VTI1B: variants seen among roughly 807,000 people sequenced by gnomAD.
VTI1B encodes the protein vesicle transport through interaction with t-SNAREs 1B.
Under a neutral mutation model 28.6 loss-of-function variants are expected in VTI1B, and 18 were observed. The observed-to-expected ratio is 0.63, with a 90% CI of 0.43 to 0.93. The LOEUF (loss-of-function observed/expected upper bound fraction) is 0.93. Among genes scored for constraint, VTI1B ranks in the 40% least tolerant of loss-of-function variants. The pLI, the probability that VTI1B is intolerant of heterozygous loss-of-function variation, is 0.00. For missense variants in VTI1B, 283 were observed against 297.0 expected (o/e 0.95, Z 0.35); for synonymous variants, 100 against 107.9 (o/e 0.93, Z 0.46).
intron 2 of VTI1B, 89 bp downstream of exon 2, chr14:67,662,388 G>T: frequency 8.8e-7 from 1 of 1,142,668 alleles, no homozygotes; most frequent in South Asian, 1.4e-5. Flanking sequence ...CAATGGACAG[G>T]AACAGTTAAT....
chr14:67,662,142 C>T (rs372811374), intron 2 of VTI1B, among the ~76,000 whole-genome samples: 5 of 150,166 alleles, frequency 3.3e-5, no homozygotes, highest in African/African-American at 7.4e-5. Context: ...GGCAACAGAG[C>T]GAGACTCTGT....
chr14:67,650,595 T>C lies in VTI1B; in HGVS notation c.*790A>G. The C allele has an allele frequency of 2.3e-6, 2 of 860,702 alleles. No homozygotes were observed. Among genetic ancestry groups the C allele is most frequent in the Admixed American group, 4.4e-5 (2 of 45,132 alleles). The allele number at this position is 860,702 out of a possible 1,614,324, so 53.3% of individuals were successfully genotyped here. On this transcript the variant is annotated 3_prime_UTR_variant, in exon 6 of 6. Coordinates refer to ENST00000554659, the MANE Select transcript of VTI1B (RefSeq NM_006370.3). ...AAGGGGCTTCCTAAAAATAGGTATT[T>C]TCTACTATAAAATGGACTCTTGTTT...
At chr14:67,659,691 T>C (rs748826886) in intron 3 of VTI1B, 40 bp downstream of exon 3, 1 of 1,558,082 alleles carries the variant, frequency 6.4e-7, no homozygotes. Flanking sequence ...CCACAGGCCC[T>C]TAAAGGAAAA....
intron 4 of VTI1B, 49 bp downstream of exon 4, chr14:67,656,367 C>T: frequency 2.0e-6 from 3 of 1,472,978 alleles, no homozygotes; most frequent in South Asian, 1.6e-5. Flanking sequence ...GGTGCAGTGG[C>T]CCCCTAATTA....
chr14:67,674,219 G>A (rs890370632), intron 1 of VTI1B, among the ~76,000 whole-genome samples, 156 bp downstream of exon 1: 2 of 152,232 alleles, frequency 1.3e-5, no homozygotes, highest in East Asian at 1.9e-4. Context: ...AGTGGCAGCA[G>A]GGAGACCTGG....
chr14:67,657,522 CA>C (rs2037273895), intron 3 of VTI1B, among the ~76,000 whole-genome samples: 1 of 152,114 alleles, frequency 6.6e-6, no homozygotes, highest in Non-Finnish European at 1.5e-5. Flanking sequence ...GTAGCCTTGT[CA>C]GGCCAGAATT....
intron 4 of VTI1B, 135 bp downstream of exon 4, chr14:67,656,281 A>G (rs1017387650): frequency 4.6e-6 from 4 of 861,070 alleles, no homozygotes; most frequent in Non-Finnish European, 6.5e-6. Context: ...AAAAATTGAG[A>G]AAAGCATAAG....
At position 67,649,090 on chromosome 14, in the gene VTI1B, T is replaced by A. The variant is rs535697302; in HGVS notation, c.*2295A>T. ...GATGTTGCCAGTGGTCCTTAGGTTATTGGCCAGAGAACTTGGGGGTTCAAT... is the reference window on the plus strand; with the variant it reads ...GATGTTGCCAGTGGTCCTTAGGTTAATGGCCAGAGAACTTGGGGGTTCAAT... On this transcript the variant is annotated 3_prime_UTR_variant, in exon 6 of 6. Coordinates refer to ENST00000554659, the MANE Select transcript of VTI1B (RefSeq NM_006370.3). 3 of 152,344 alleles carry A rather than the reference T, an allele frequency of 2.0e-5. No individual in the cohort carries two copies. The East Asian group carries it at 5.8e-4, about 29-fold the overall frequency. 9.4% of individuals were successfully genotyped at this position (152,344 alleles called of 1,614,324 possible). A position where few individuals can be genotyped will look rare whatever the true frequency, so the allele number is the denominator to read the frequency against.
At chr14:67,660,811 C>T (rs2037324919) in intron 2 of VTI1B, among the ~76,000 whole-genome samples, 1 of 152,146 alleles carries the variant, frequency 6.6e-6, no homozygotes. Flanking sequence ...AGTATCTGAG[C>T]ATCAAACAAA....
chr14:67,648,450 T>C lies in VTI1B; in HGVS notation c.*2935A>G, dbSNP rs8010798. The C allele has an allele frequency of 0.079, 22,594 of 284,758 alleles. 1,427 individuals carry two copies. The highest frequency in any genetic ancestry group is 0.23 in the East Asian group (3,524 of 15,506). The allele number at this position is 284,758 out of a possible 1,614,324, so 17.6% of individuals were successfully genotyped here. On this transcript the variant is annotated 3_prime_UTR_variant, in exon 6 of 6. Coordinates refer to ENST00000554659, the MANE Select transcript of VTI1B (RefSeq NM_006370.3). ...AACAATTAAATACAAGAATAAATTGTCAAACTGATGCAGTTCTTTGAGTTA... is the reference window on the plus strand; with the variant it reads ...AACAATTAAATACAAGAATAAATTGCCAAACTGATGCAGTTCTTTGAGTTA...
chr14:67,671,177 T>G (rs568823861), intron 1 of VTI1B, among the ~76,000 whole-genome samples: 1 of 152,186 alleles, frequency 6.6e-6, no homozygotes, highest in African/African-American at 2.4e-5. Flanking sequence ...TCTAGGGATA[T>G]GTATATATTT....
intron 4 of VTI1B, among the ~76,000 whole-genome samples, chr14:67,656,048 C>T (rs1162489065): frequency 6.6e-6 from 1 of 152,082 alleles, no homozygotes; most frequent in Non-Finnish European, 1.5e-5. Flanking sequence ...GAGTTCGAGA[C>T]CAGCCTGGCC....
At chr14:67,654,422 T>C (rs930985671) in intron 4 of VTI1B, among the ~76,000 whole-genome samples, 1 of 152,164 alleles carries the variant, frequency 6.6e-6, no homozygotes, top group Admixed American at 6.5e-5. Context: ...AAATTACAGG[T>C]GTAAGCCCGG....
chr14:67,668,339 T>C (rs2140843426), intron 1 of VTI1B, among the ~76,000 whole-genome samples: 1 of 152,312 alleles, frequency 6.6e-6, no homozygotes, highest in South Asian at 2.1e-4. Flanking sequence ...TTTAATGAAA[T>C]ATTAAATGGA....
At chr14:67,665,118 G>A (rs1433160227) in intron 1 of VTI1B, among the ~76,000 whole-genome samples, 1 of 152,204 alleles carries the variant, frequency 6.6e-6, no homozygotes, top group African/African-American at 2.4e-5. Context: ...CTCCCAAAGT[G>A]CTGGGATAAC....
In VTI1B at chr14:67,674,154, T is replaced by C. The variant is rs537872822; in HGVS notation, c.115+221A>G. 9.9e-5 allele frequency among the ~76,000 whole-genome samples: 15 copies of C among 152,272 alleles called. No individual in the cohort carries two copies. The East Asian group carries it at 2.5e-3, about 25-fold the overall frequency. ...CACAGTGAAAAAAGATGAGAAAATG[T>C]GGAAGGCCATAGAAGGATCCCAGGG... On this transcript the variant is annotated intron_variant, in intron 1 of 5. Coordinates refer to ENST00000554659, the MANE Select transcript of VTI1B (RefSeq NM_006370.3).
intron 5 of VTI1B, chr14:67,652,694 T>C (rs1191770403): frequency 6.6e-6 from 1 of 152,112 alleles, no homozygotes; most frequent in South Asian, 2.1e-4. Context: ...CCCTACAATA[T>C]AGAACTTCCA....
chr14:67,666,604 G>C (rs1374032163), intron 1 of VTI1B, among the ~76,000 whole-genome samples: 1 of 152,202 alleles, frequency 6.6e-6, no homozygotes, highest in African/African-American at 2.4e-5. Flanking sequence ...GGGATCAATA[G>C]CAGCTTTTTA....
At position 67,674,367 on chromosome 14, in the gene VTI1B, C is replaced by A; in HGVS notation, c.115+8G>T. ...CGCTCCCCACGGCGTGGCCCACCCCCGCCTCACCGGTCCCCGCCGTCCCCA... is the reference window on the plus strand; with the variant it reads ...CGCTCCCCACGGCGTGGCCCACCCCAGCCTCACCGGTCCCCGCCGTCCCCA... On this transcript the variant is annotated splice_region_variant and intron_variant, in intron 1 of 5. Coordinates refer to ENST00000554659, the MANE Select transcript of VTI1B (RefSeq NM_006370.3). 6.9e-6 allele frequency: 11 copies of A among 1,586,328 alleles called. No individual in the cohort carries two copies. Among genetic ancestry groups the A allele is most frequent in the Non-Finnish European group, 8.6e-6 (10 of 1,168,326 alleles).
Sources: gnomAD v4.1 joint callset for allele counts (sites outside exome capture counted in the v4.1 genomes callset) on GRCh38, gnomAD v4.1.1 for gene constraint, MANE v1.5 for transcripts, NCBI Gene and HGNC (gene_info 2026-07-23, HGNC 2026-07-21) for gene names.